GGNBP2: variants seen among roughly 807,000 people sequenced by gnomAD.
GGNBP2 encodes gametogenetin binding protein 2.
In GGNBP2, 10 loss-of-function variants were observed where a neutral mutation model predicts 85.9. The observed-to-expected ratio is 0.12, with a 90% confidence interval of 0.07 to 0.20. The LOEUF (loss-of-function observed/expected upper bound fraction) is 0.20, where lower values mean the gene tolerates loss of function less well. Among genes scored for constraint, GGNBP2 ranks in the 10% least tolerant of loss-of-function variants. GGNBP2 has a pLI of 1.00. For missense variants in GGNBP2, 595 were observed against 857.8 expected (o/e 0.69, Z 3.83); for synonymous variants, 287 against 285.7 (o/e 1.00, Z -0.05).
intron 6 of GGNBP2, among the ~76,000 whole-genome samples, chr17:36,569,488 T>C (rs2074501728): frequency 6.6e-6 from 1 of 152,200 alleles, no homozygotes; most frequent in Non-Finnish European, 1.5e-5. Context: ...TGTTACAAGT[T>C]GCGTTTGTGG....
Position 36,579,354 on chromosome 17 carries a change from G to A in GGNBP2, c.955G>A (p.Ala319Thr), listed in dbSNP as rs1409220792. 1 of 1,614,102 alleles carries A rather than the reference G, an allele frequency of 6.2e-7. No homozygotes were observed. The highest frequency in any genetic ancestry group is 1.3e-5 in the African/African-American group (1 of 74,944). ...RLHRIWQKLR[A>T]EEQTWQMLFY... ...GCATCGAATCTGGCAGAAGCTACGG[G>A]CAGAAGAGCAGACATGGCAGATGCT... The change falls in exon 8 of 14, where the codon GCA becomes ACA. Residue 319 changes from alanine (A) to threonine (T), a missense_variant. Transcript: ENST00000613102.
Position 36,586,156 on chromosome 17 carries a change from A to G in GGNBP2, c.1599A>G (p.Lys533=), listed in dbSNP as rs370275891. ...SEENDTKGKN[K]KKKKKSKILK... is the part of the protein sequence containing the mutation. ...AGAACGACACAAAAGGAAAAAATAA[A>G]AAGAAGAAGAAGAAAAGCAAGATAC... Residue 533 remains lysine, a synonymous_variant, in exon 12 of 14, where the codon AAA becomes AAG. Transcript: ENST00000613102. 64 of 1,612,724 alleles carry G rather than the reference A, an allele frequency of 4.0e-5. No homozygotes were observed. The highest frequency in any genetic ancestry group is 6.6e-5 in the South Asian group (6 of 91,032).
Position 36,585,946 on chromosome 17 carries a change from T to C in GGNBP2, c.1473T>C (p.Ile491=). 3 of 1,614,164 alleles carry C rather than the reference T, an allele frequency of 1.9e-6. No individual in the cohort carries two copies. The highest frequency in any genetic ancestry group is 2.5e-6 in the Non-Finnish European group (3 of 1,180,016). The change falls in exon 11 of 14, where the codon ATT becomes ATC. Residue 491 remains isoleucine (I), a synonymous_variant. Coordinates refer to ENST00000613102, the MANE Select transcript of GGNBP2 (RefSeq NM_024835.5). ...EGSDVACTEG[I]CNHDEHGDDS... ...CGGATGTTGCCTGCACTGAAGGCAT[T>C]TGTAATCATGATGAACACGGTAGGC...
Position 36,585,375 on chromosome 17 carries a change from A to C in GGNBP2, c.1291A>C (p.Ile431Leu). The change falls in exon 10 of 14, where the codon ATT becomes CTT. Residue 431 changes from isoleucine to leucine, a missense_variant. Physicochemically the swap from Ile to Leu is conservative, Grantham distance 5. Around this residue, in one of 9 missense-constraint regions of GGNBP2, gnomAD observed 85 missense variants for 92.6 expected, o/e 0.92. Transcript: ENST00000613102. ...AGATGGTAATACTTGTGTAGAAGTA[A>C]TTGTTACCAATGAAAATACATCATG... The part of the protein sequence containing the change: ...TEDGNTCVEV[I>L]VTNENTSCTC... 3 of 1,612,522 alleles carry C rather than the reference A, an allele frequency of 1.9e-6. No homozygotes were observed. The highest frequency in any genetic ancestry group is 2.5e-6 in the Non-Finnish European group (3 of 1,178,684).
At chr17:36,548,360 A>G (rs570844235) in intron 2 of GGNBP2, among the ~76,000 whole-genome samples, 1 of 152,214 alleles carries the variant, frequency 6.6e-6, no homozygotes, top group South Asian at 2.1e-4. Flanking sequence ...CACGCTTGTA[A>G]TCCCAGCACT....
chr17:36,549,247 G>T (rs368220244), intron 2 of GGNBP2, among the ~76,000 whole-genome samples: 1 of 151,878 alleles, frequency 6.6e-6, no homozygotes, highest in African/African-American at 2.4e-5. Flanking sequence ...CTGTCGCCCA[G>T]GCTGGAGTAC....
intron 5 of GGNBP2, among the ~76,000 whole-genome samples, chr17:36,566,704 G>A (rs118181968): frequency 1.6e-4 from 24 of 151,754 alleles, no homozygotes; most frequent in Admixed American, 7.2e-4. Context: ...TTACCACATA[G>A]TTCTTATTAA....
intron 13 of GGNBP2, 114 bp from the exon 14 acceptor site, chr17:36,589,093 AT>A: frequency 1.4e-6 from 1 of 706,008 alleles, no homozygotes. Context: ...TAAAGGCTTT[AT>A]GTGACTGATG....
chr17:36,562,918 T>G (rs1320907623), intron 5 of GGNBP2, among the ~76,000 whole-genome samples: 2 of 122,696 alleles, frequency 1.6e-5, no homozygotes, highest in East Asian at 2.4e-4. Flanking sequence ...TGAGCTGAGA[T>G]CGTGTCGCCT....
chr17:36,559,383 T>G (rs2142714461), intron 4 of GGNBP2, among the ~76,000 whole-genome samples: 1 of 150,056 alleles, frequency 6.7e-6, no homozygotes, highest in Middle Eastern at 3.4e-3. Flanking sequence ...GTAACAGAGC[T>G]CATCTTTGGG....
At chr17:36,564,303 T>C (rs2074448329) in intron 5 of GGNBP2, among the ~76,000 whole-genome samples, 1 of 152,228 alleles carries the variant, frequency 6.6e-6, no homozygotes, top group African/African-American at 2.4e-5. Flanking sequence ...CAGCATTTTA[T>C]GCATCTGTGT....
intron 2 of GGNBP2, among the ~76,000 whole-genome samples, chr17:36,551,269 C>T (rs972897392): frequency 2.6e-5 from 4 of 151,686 alleles, no homozygotes; most frequent in African/African-American, 7.3e-5. Flanking sequence ...TGCAATGGCA[C>T]GATCTTGGCT....
chr17:36,578,989 A>G (rs1567831906), intron 7 of GGNBP2: 1 of 424,074 alleles, frequency 2.4e-6, no homozygotes, highest in Non-Finnish European at 4.3e-6. Context: ...TTTGTGCCCT[A>G]AAACCCATCT....
intron 6 of GGNBP2, chr17:36,576,635 GTA>G (rs1181282903): frequency 6.3e-5 from 7 of 110,526 alleles, no homozygotes; most frequent in South Asian, 3.1e-4. Flanking sequence ...GTGTGTATAT[GTA>G]TATATGTATA....
chr17:36,556,443 C>T (rs1320991196), intron 3 of GGNBP2, among the ~76,000 whole-genome samples: 1 of 152,162 alleles, frequency 6.6e-6, no homozygotes, highest in South Asian at 2.1e-4. Context: ...TGGTGGCTCA[C>T]GCCTGTAATC....
At chr17:36,584,674 CG>C (rs2074683011) in intron 9 of GGNBP2, among the ~76,000 whole-genome samples, 1 of 152,142 alleles carries the variant, frequency 6.6e-6, no homozygotes, top group Admixed American at 6.5e-5. Context: ...GTTGACAGGG[CG>C]TGGAGGCTCA....
intron 6 of GGNBP2, among the ~76,000 whole-genome samples, chr17:36,568,948 G>T (rs2074495603): frequency 6.6e-6 from 1 of 151,950 alleles, no homozygotes; most frequent in South Asian, 2.1e-4. Context: ...TAGAGATGGG[G>T]TTTCACCATG....
Position 36,578,069 on chromosome 17 carries a change from G to A in GGNBP2, c.728G>A (p.Cys243Tyr). ...GACTGCAGCAAAGAAAAGGGCTACT[G>A]TGCTGCACTTTATGAAGGCTTGCGG... The part of the protein sequence containing the change: ...ELDCSKEKGY[C>Y]AALYEGLRCC... The change falls in exon 7 of 14, where the codon TGT becomes TAT. Residue 243 changes from cysteine to tyrosine, a missense_variant. Cys to Tyr is a radical substitution (Grantham distance 194). This residue lies in a region of GGNBP2 where 92 missense variants were observed against 183.9 expected (regional missense o/e 0.50). Coordinates refer to ENST00000613102, the MANE Select transcript of GGNBP2 (RefSeq NM_024835.5). The A allele has an allele frequency of 6.2e-7, 1 of 1,613,986 alleles. No individual in the cohort carries two copies. Among genetic ancestry groups the A allele is most frequent in the African/African-American group, 1.3e-5 (1 of 75,050 alleles).
intron 6 of GGNBP2, among the ~76,000 whole-genome samples, chr17:36,568,017 C>A (rs8074565): frequency 0.011 from 1,661 of 152,178 alleles, 24 homozygotes; most frequent in African/African-American, 0.038. Context: ...CCTCTGCCTC[C>A]CAGGTTCAAG....
Sources: gnomAD v4.1 joint callset for allele counts (sites outside exome capture counted in the v4.1 genomes callset) on GRCh38, gnomAD v4.1.1 for gene constraint, gnomAD v4.1.1 regional missense constraint, MANE v1.5 for transcripts, NCBI Gene and HGNC (gene_info 2026-07-23, HGNC 2026-07-21) for gene names.